NOL4: variants seen among roughly 807,000 people sequenced by gnomAD.
NOL4 encodes the protein nucleolar protein 4.
NOL4 carries 17 observed loss-of-function variants against 75.9 expected under a neutral mutation model. The observed-to-expected ratio is 0.22, with a 90% CI of 0.15 to 0.34. The LOEUF (loss-of-function observed/expected upper bound fraction) is 0.34. NOL4 is among the 10% of genes least tolerant of loss of function. NOL4 has a pLI of 1.00. For synonymous variants in NOL4, 292 were observed against 289.9 expected (o/e 1.01, Z -0.07); for missense variants, 614 against 793.5 (o/e 0.77, Z 2.72).
At chr18:34,037,093 T>G (rs1226217373) in intron 5 of NOL4, among the ~76,000 whole-genome samples, 1 of 152,010 alleles carries the variant, frequency 6.6e-6, no homozygotes, top group African/African-American at 2.4e-5. Context: ...GAATACAAAA[T>G]GAACATAGAA....
intron 9 of NOL4, among the ~76,000 whole-genome samples, chr18:33,896,139 C>T (rs1481578173): frequency 2.6e-5 from 4 of 151,936 alleles, no homozygotes; most frequent in Admixed American, 6.6e-5. Context: ...ACACTTCTCA[C>T]AGAAATCAGA....
At chr18:34,116,286 T>C (rs1022350115) in intron 2 of NOL4, among the ~76,000 whole-genome samples, 1 of 143,122 alleles carries the variant, frequency 7.0e-6, no homozygotes, top group Non-Finnish European at 1.6e-5. Flanking sequence ...CTTCCATCTG[T>C]GGGTTATAAA....
chr18:34,163,432 T>C (rs1212775274), intron 1 of NOL4, among the ~76,000 whole-genome samples: 1 of 151,822 alleles, frequency 6.6e-6, no homozygotes, highest in Non-Finnish European at 1.5e-5. Context: ...TCACAAGCAT[T>C]CTTATACACC....
At chr18:34,104,489 G>A (rs758898515) in intron 3 of NOL4, among the ~76,000 whole-genome samples, 8 of 151,756 alleles carry the variant, frequency 5.3e-5, no homozygotes, top group Admixed American at 1.3e-4. Context: ...TTTGAATGCC[G>A]AAGGAAATCT....
At chr18:33,938,257 A>C (rs1355572287) in intron 9 of NOL4, among the ~76,000 whole-genome samples, 1 of 152,114 alleles carries the variant, frequency 6.6e-6, no homozygotes, top group Non-Finnish European at 1.5e-5. Context: ...ATGGTAAATG[A>C]AACTGTATCT....
chr18:34,166,422 G>C (rs924239502), intron 1 of NOL4, among the ~76,000 whole-genome samples: 1 of 152,104 alleles, frequency 6.6e-6, no homozygotes, highest in Non-Finnish European at 1.5e-5. Context: ...GTCTAGAAGA[G>C]GGAAAAGGAG....
At chr18:33,856,597 A>G (rs1002945335) in intron 10 of NOL4, among the ~76,000 whole-genome samples, 1 of 152,040 alleles carries the variant, frequency 6.6e-6, no homozygotes, top group African/African-American at 2.4e-5. Context: ...CAAGCAATAG[A>G]CTATGAAATG....
chr18:33,929,328 C>T (rs1038738009), intron 9 of NOL4, among the ~76,000 whole-genome samples: 2 of 151,966 alleles, frequency 1.3e-5, no homozygotes, highest in East Asian at 3.9e-4. Context: ...TATGGAATAC[C>T]CTCCTCTAGC....
At chr18:34,043,081 G>C (rs1407466226) in intron 5 of NOL4, among the ~76,000 whole-genome samples, 2 of 152,078 alleles carry the variant, frequency 1.3e-5, no homozygotes, top group Non-Finnish European at 2.9e-5. Flanking sequence ...AGCTAGCCCA[G>C]TACCTGGTCC....
intron 1 of NOL4, among the ~76,000 whole-genome samples, chr18:34,155,130 T>G (rs1450887471): frequency 6.6e-6 from 1 of 151,884 alleles, no homozygotes; most frequent in Non-Finnish European, 1.5e-5. Flanking sequence ...AAAATAAATC[T>G]GCCACAAATA....
intron 6 of NOL4, among the ~76,000 whole-genome samples, chr18:33,982,123 A>T (rs372391853): frequency 3.5e-4 from 53 of 152,106 alleles, no homozygotes; most frequent in African/African-American, 1.3e-3. Flanking sequence ...ATACGGCAGG[A>T]AAAGAGGGCA....
chr18:34,181,670 G>T (rs2034048028), intron 1 of NOL4, among the ~76,000 whole-genome samples: 1 of 151,430 alleles, frequency 6.6e-6, no homozygotes, highest in South Asian at 2.1e-4. Context: ...TTATATATTT[G>T]AGAAGGGTCT....
intron 9 of NOL4, among the ~76,000 whole-genome samples, chr18:33,923,848 T>A (rs2067176855): frequency 6.6e-6 from 1 of 152,270 alleles, no homozygotes; most frequent in Admixed American, 6.5e-5. Flanking sequence ...ATCTAAACCT[T>A]TCTTTTGTCA....
intron 9 of NOL4, among the ~76,000 whole-genome samples, chr18:33,928,282 CA>C (rs1337513618): frequency 6.6e-6 from 1 of 152,080 alleles, no homozygotes; most frequent in Non-Finnish European, 1.5e-5. Flanking sequence ...TAATTTAAAC[CA>C]CCTACTTGTA....
chr18:33,963,363 G>A (rs2145793208), intron 6 of NOL4, among the ~76,000 whole-genome samples: 1 of 152,258 alleles, frequency 6.6e-6, no homozygotes, highest in Admixed American at 6.5e-5. Flanking sequence ...GGGAATGTGA[G>A]TATTGGAATG....
chr18:33,894,402 G>A (rs1315470675), intron 9 of NOL4, among the ~76,000 whole-genome samples: 1 of 152,062 alleles, frequency 6.6e-6, no homozygotes, highest in Non-Finnish European at 1.5e-5. Flanking sequence ...GTAGTTAGGA[G>A]CATTCTGTAT....
chr18:33,925,768 A>G (rs1373682383), intron 9 of NOL4, among the ~76,000 whole-genome samples: 1 of 152,156 alleles, frequency 6.6e-6, no homozygotes, highest in Non-Finnish European at 1.5e-5. Context: ...TTCTGTTTCC[A>G]GTGGCATATG....
chr18:33,953,959 T>C (rs892686388), intron 8 of NOL4, among the ~76,000 whole-genome samples: 5 of 152,122 alleles, frequency 3.3e-5, no homozygotes, highest in Non-Finnish European at 7.4e-5. Flanking sequence ...AAAGAGCATA[T>C]ACTTTAGTTG....
intron 6 of NOL4, among the ~76,000 whole-genome samples, chr18:33,962,369 C>T (rs1427350240): frequency 6.6e-6 from 1 of 152,084 alleles, no homozygotes; most frequent in Non-Finnish European, 1.5e-5. Context: ...ATAGATGGCC[C>T]CAGCCAAATG....
Sources: allele counts gnomAD v4.1 joint callset (sites outside exome capture counted in the v4.1 genomes callset), GRCh38; gene constraint gnomAD v4.1.1; transcripts MANE v1.5; gene names NCBI Gene and HGNC (gene_info 2026-07-23, HGNC 2026-07-21).